TANGO6: variants seen among roughly 807,000 people sequenced by gnomAD.
TANGO6 encodes the protein transport and golgi organization 6 homolog, also known as transport and Golgi organization protein 6 homolog.
A neutral mutation model predicts 114.2 loss-of-function variants in TANGO6; 90 were observed. The observed-to-expected ratio is 0.79, with a 90% CI of 0.66 to 0.94. The LOEUF (loss-of-function observed/expected upper bound fraction) is 0.94. TANGO6 is among the 40% of genes least tolerant of loss of function. The pLI is 0.00. For missense variants in TANGO6, 1,274 were observed against 1,315.3 expected, an observed-to-expected ratio of 0.97 and a Z score of 0.49; for synonymous variants, 477 against 509.8, an observed-to-expected ratio of 0.94 and a Z score of 0.87.
intron 17 of TANGO6, among the ~76,000 whole-genome samples, chr16:69,048,890 G>C (rs1442848124): frequency 2.0e-5 from 3 of 152,118 alleles, no homozygotes; most frequent in Non-Finnish European, 4.4e-5. Flanking sequence ...TACTAGGCTG[G>C]GGACAGACCC....
intron 14 of TANGO6, among the ~76,000 whole-genome samples, chr16:68,954,808 G>T (rs942979980): frequency 2.0e-5 from 3 of 152,268 alleles, no homozygotes; most frequent in Admixed American, 1.3e-4. Flanking sequence ...TAGGCCAGTG[G>T]GTTTTAAGTA....
intron 15 of TANGO6, among the ~76,000 whole-genome samples, chr16:69,003,057 G>A (rs566016769): frequency 2.0e-5 from 3 of 151,644 alleles, no homozygotes; most frequent in Non-Finnish European, 4.4e-5. Context: ...AAAAAAGAAA[G>A]TTTTTAAATC....
chr16:68,919,321 T>C, intron 12 of TANGO6, 102 bp downstream of exon 12: 1 of 1,397,250 alleles, frequency 7.2e-7, no homozygotes, highest in Non-Finnish European at 9.6e-7. Context: ...ATGGATATTG[T>C]ACATAGGAGA....
chr16:68,907,384 T>C (rs1962866547), intron 9 of TANGO6, 59 bp from the exon 10 acceptor site: 1 of 1,494,074 alleles, frequency 6.7e-7, no homozygotes, highest in South Asian at 1.4e-5. Context: ...TGTTATGGGG[T>C]TTAAAATTAT....
intron 2 of TANGO6, among the ~76,000 whole-genome samples, chr16:68,860,905 C>G (rs895119976): frequency 1.3e-5 from 2 of 152,192 alleles, no homozygotes; most frequent in Admixed American, 1.3e-4. Context: ...ATAATTCCTA[C>G]TGATATTAGT....
At chr16:69,044,556 CAGAG>C (rs1188363676) in intron 17 of TANGO6, among the ~76,000 whole-genome samples, 1 of 152,016 alleles carries the variant, frequency 6.6e-6, no homozygotes, top group Non-Finnish European at 1.5e-5. Context: ...GGGGCACTGG[CAGAG>C]AGATCACAGC....
intron 14 of TANGO6, among the ~76,000 whole-genome samples, chr16:68,961,938 C>T (rs184518323): frequency 2.6e-5 from 4 of 152,304 alleles, no homozygotes; most frequent in Admixed American, 2.0e-4. Context: ...CAGGATGCTT[C>T]GGTAGCTCTT....
chr16:68,976,906 T>G (rs1031498354), intron 15 of TANGO6, among the ~76,000 whole-genome samples: 2 of 152,236 alleles, frequency 1.3e-5, no homozygotes, highest in South Asian at 4.1e-4. Context: ...TATTTGTCCT[T>G]GGCTTTTTAG....
intron 17 of TANGO6, among the ~76,000 whole-genome samples, chr16:69,046,499 G>A (rs920200519): frequency 6.6e-6 from 1 of 151,892 alleles, no homozygotes; most frequent in African/African-American, 2.4e-5. Context: ...TGTATTTTTA[G>A]TAGACAGGTT....
intron 11 of TANGO6, among the ~76,000 whole-genome samples, chr16:68,912,249 G>A (rs552469060): frequency 6.6e-6 from 1 of 152,318 alleles, no homozygotes; most frequent in Non-Finnish European, 1.5e-5. Context: ...TGTAATCTTA[G>A]CACTTTGGGA....
At chr16:68,990,380 C>A (rs1403892994) in intron 15 of TANGO6, among the ~76,000 whole-genome samples, 1 of 152,138 alleles carries the variant, frequency 6.6e-6, no homozygotes, top group Admixed American at 6.5e-5. Context: ...GAATGAGAAC[C>A]AAGCGACAGG....
intron 7 of TANGO6, among the ~76,000 whole-genome samples, chr16:68,899,735 G>T: frequency 6.6e-6 from 1 of 151,988 alleles, no homozygotes; most frequent in East Asian, 1.9e-4. Flanking sequence ...ACGTAGTTAG[G>T]ACTGTAGGTG....
intron 14 of TANGO6, among the ~76,000 whole-genome samples, chr16:68,947,969 A>C (rs1474783106): frequency 6.6e-6 from 1 of 151,998 alleles, no homozygotes; most frequent in African/African-American, 2.4e-5. Flanking sequence ...GCTGGGATCA[A>C]GCCATTTTAC....
chr16:69,075,052 G>A (rs894145877), intron 17 of TANGO6, among the ~76,000 whole-genome samples: 3 of 151,834 alleles, frequency 2.0e-5, no homozygotes, highest in African/African-American at 7.3e-5. Context: ...ATGTTGCTCA[G>A]GCTGGTCTCG....
chr16:69,043,108 C>T (rs914163776), intron 17 of TANGO6, among the ~76,000 whole-genome samples: 1 of 152,040 alleles, frequency 6.6e-6, no homozygotes, highest in African/African-American at 2.4e-5. Context: ...TGCCTGTAAT[C>T]CCAGCTAGTC....
chr16:68,902,049 CAA>C (rs747586789), intron 8 of TANGO6, among the ~76,000 whole-genome samples: 42 of 79,720 alleles, frequency 5.3e-4, no homozygotes, highest in Admixed American at 6.9e-4. Context: ...TTGGAATTAC[CAA>C]AAAAAAAAAA....
chr16:69,012,463 G>A (rs919229149), intron 15 of TANGO6, among the ~76,000 whole-genome samples: 6 of 148,590 alleles, frequency 4.0e-5, no homozygotes, highest in Non-Finnish European at 8.9e-5. Context: ...GGCTGAGACA[G>A]GAGAATCATT....
At chr16:68,847,999 CAAA>C (rs1329686470) in intron 1 of TANGO6, among the ~76,000 whole-genome samples, 2 of 62,310 alleles carry the variant, frequency 3.2e-5, no homozygotes. Flanking sequence ...GACTCCATCA[CAAA>C]AAAAAAAAAA....
chr16:68,924,565 A>G (rs981274031), intron 12 of TANGO6, among the ~76,000 whole-genome samples: 14 of 152,156 alleles, frequency 9.2e-5, no homozygotes, highest in Admixed American at 2.6e-4. Flanking sequence ...AGGTGGGAAG[A>G]TCACCTGAGG....
Sources: allele counts gnomAD v4.1 joint callset (sites outside exome capture counted in the v4.1 genomes callset), GRCh38; gene constraint gnomAD v4.1.1; transcripts MANE v1.5; gene names NCBI Gene and HGNC (gene_info 2026-07-23, HGNC 2026-07-21).